CASK: variants seen among roughly 807,000 people sequenced by gnomAD.
The protein encoded by CASK is peripheral plasma membrane protein CASK.
CASK carries 4 observed loss-of-function variants against 82.9 expected under a neutral mutation model. The observed-to-expected ratio is 0.05, with a 90% CI of 0.02 to 0.11. The LOEUF is 0.11. Ranked by LOEUF, CASK falls within the 10% of genes least tolerant of loss-of-function variation. The pLI, the probability that CASK is intolerant of heterozygous loss-of-function variation, is 1.00. For missense variants in CASK, 358 were observed against 720.9 expected, an observed-to-expected ratio of 0.50 and a Z score of 5.76; for synonymous variants, 259 against 253.5, an observed-to-expected ratio of 1.02 and a Z score of -0.20.
chrX:41,827,131 G>C (rs772812115), intron 2 of CASK, among the ~76,000 whole-genome samples: 5 of 111,873 alleles, frequency 4.5e-5, no homozygotes, highest in Non-Finnish European at 9.4e-5. Flanking sequence ...TAATAATCTT[G>C]GGAAAATTTT....
rs773532171 is a variant in CASK at position 41,725,872 on chromosome X, G to A, written c.429+13512C>T. ...ACAGTTTTTTTTTGTTTGTTTTTGA[G>A]ACAGGGTCTCTTTCTGTTACCCAGC... On this transcript the variant is annotated intron_variant, in intron 5 of 26. Coordinates refer to ENST00000378163, the MANE Select transcript of CASK (RefSeq NM_001367721.1). Among the ~76,000 whole-genome samples, 752 of 111,689 alleles carry A rather than the reference G, an allele frequency of 6.7e-3. 1 individual carries two copies. Among genetic ancestry groups the A allele is most frequent in the Non-Finnish European group, 0.011 (588 of 53,041 alleles).
At position 41,676,332 on chromosome X, in the gene CASK, G is replaced by A. The variant is rs1469048838; in HGVS notation, c.430-4802C>T. ...GAGACGACCCTCCAAGATGACCTAC[G>A]GGCTCCTAAAACATTTTTATAAGCA... On this transcript the variant is annotated intron_variant, in intron 5 of 26. Transcript: ENST00000378163. The A allele has an allele frequency of 6.7e-6, 8 of 1,196,818 alleles. No homozygotes were observed. In the Admixed American group the frequency reaches 1.3e-4, roughly 20 times the overall value.
intron 12 of CASK, among the ~76,000 whole-genome samples, chrX:41,598,820 T>C (rs1314386261): frequency 8.9e-6 from 1 of 112,205 alleles, no homozygotes; most frequent in Non-Finnish European, 1.9e-5. Flanking sequence ...ATTGTTTTTC[T>C]TGAAATTTTA....
intron 2 of CASK, among the ~76,000 whole-genome samples, chrX:41,812,783 A>G (rs944481230): frequency 3.6e-5 from 4 of 111,696 alleles, no homozygotes; most frequent in African/African-American, 1.3e-4. Flanking sequence ...ACCAATTAGG[A>G]AAAGAGGAAG....
intron 12 of CASK, among the ~76,000 whole-genome samples, chrX:41,605,153 T>G (rs1324685973): frequency 8.9e-6 from 1 of 112,256 alleles, no homozygotes; most frequent in African/African-American, 3.2e-5. Flanking sequence ...TATGGCTTCA[T>G]ACCTAGCTAT....
intron 5 of CASK, chrX:41,696,369 T>C (rs1217850496): frequency 2.6e-6 from 3 of 1,176,115 alleles, no homozygotes; most frequent in Non-Finnish European, 2.3e-6. Context: ...GAAGAATCTA[T>C]TGAGGATTTC....
At chrX:41,588,085 C>T (rs1251029006) in intron 13 of CASK, 3 of 112,069 alleles carry the variant, frequency 2.7e-5, no homozygotes, top group Non-Finnish European at 5.6e-5. Context: ...CTGTGCTACT[C>T]AACTACTGCC....
intron 1 of CASK, among the ~76,000 whole-genome samples, chrX:41,910,221 CA>C (rs770517608): frequency 8.7e-4 from 79 of 90,587 alleles, no homozygotes; most frequent in East Asian, 4.4e-3. Flanking sequence ...GACTCCATCA[CA>C]AAAAAAAAAA....
At chrX:41,772,788 T>G (rs936473160) in intron 3 of CASK, among the ~76,000 whole-genome samples, 1 of 110,475 alleles carries the variant, frequency 9.1e-6, no homozygotes, top group Non-Finnish European at 1.9e-5. Flanking sequence ...TCACCTGAGG[T>G]AACGAGTTTG....
At chrX:41,863,096 T>C (rs2071524231) in intron 1 of CASK, among the ~76,000 whole-genome samples, 1 of 112,109 alleles carries the variant, frequency 8.9e-6, no homozygotes, top group African/African-American at 3.2e-5. Flanking sequence ...GCAGCAAGCA[T>C]GCTGCTAAGA....
At chrX:41,825,606 A>G (rs1432585607) in intron 2 of CASK, among the ~76,000 whole-genome samples, 1 of 112,206 alleles carries the variant, frequency 8.9e-6, no homozygotes, top group Admixed American at 9.4e-5. Context: ...CTAGCTCTGC[A>G]CTCAGCTCCA....
In CASK at chrX:41,553,825, T is replaced by C. The variant is rs771533137; in HGVS notation, c.1933A>G (p.Ile645Val). Residue 645 changes from isoleucine (I) to valine (V), a missense_variant, in exon 21 of 27, where the codon ATC becomes GTC. Ile to Val is a conservative substitution (Grantham distance 29, BLOSUM62 3). Coordinates refer to ENST00000378163, the MANE Select transcript of CASK (RefSeq NM_001367721.1). ...EAGIRFRVGD[I>V]IQIISKDDHN... Reference sequence around the variant, plus strand: ...TCATCCTTACTAATAATCTGGATGATGTCACCAACTCTGAATCGAATGCCA... The same window carrying C: ...TCATCCTTACTAATAATCTGGATGACGTCACCAACTCTGAATCGAATGCCA... 3.3e-6 allele frequency: 4 copies of C among 1,199,132 alleles called. No individual in the cohort carries two copies. Among genetic ancestry groups the C allele is most frequent in the Non-Finnish European group, 4.5e-6 (4 of 885,377 alleles).
chrX:41,560,602 A>C (rs905784682), intron 17 of CASK, among the ~76,000 whole-genome samples: 1 of 105,911 alleles, frequency 9.4e-6, no homozygotes, highest in Non-Finnish European at 1.9e-5. Context: ...TTTAAAAAAA[A>C]ATTTTGGGCT....
chrX:41,579,972 A>G (rs1029512239), intron 14 of CASK, among the ~76,000 whole-genome samples: 1 of 111,772 alleles, frequency 8.9e-6, no homozygotes, highest in East Asian at 2.8e-4. Flanking sequence ...GGCTGGTCTA[A>G]ACTGGGATTT....
chrX:41,868,853 ACTT>A (rs1208600060), intron 1 of CASK, among the ~76,000 whole-genome samples: 1 of 111,294 alleles, frequency 9.0e-6, no homozygotes, highest in African/African-American at 3.3e-5. Context: ...TTGTACAAGT[ACTT>A]CTTCATTACT....
chrX:41,719,904 T>A lies in CASK; in HGVS notation c.429+19480A>T, dbSNP rs185861642. Among the ~76,000 whole-genome samples, 150 of 112,845 alleles carry A rather than the reference T, an allele frequency of 1.3e-3. 2 individuals are homozygous for A. Among genetic ancestry groups the A allele is most frequent in the African/African-American group, 4.7e-3 (146 of 31,073 alleles). On this transcript the variant is annotated intron_variant, in intron 5 of 26. Transcript: ENST00000378163. Reference sequence around the variant, plus strand: ...GTATAAGCATGCCAGGGCAAATATTTAGGCTAAATTGTGGGAGCTAAGAAC... The same window carrying A: ...GTATAAGCATGCCAGGGCAAATATTAAGGCTAAATTGTGGGAGCTAAGAAC...
intron 3 of CASK, among the ~76,000 whole-genome samples, chrX:41,774,398 G>A (rs2069309191): frequency 8.9e-6 from 1 of 111,827 alleles, no homozygotes; most frequent in African/African-American, 3.3e-5. Flanking sequence ...AAGGACAAAT[G>A]GAAGAACATT....
chrX:41,891,383 C>T (rs1471453521), intron 1 of CASK, among the ~76,000 whole-genome samples: 1 of 111,203 alleles, frequency 9.0e-6, no homozygotes, highest in African/African-American at 3.3e-5. Context: ...ACTCAGATTA[C>T]AGCTCATTAA....
chrX:41,588,349 TA>T (rs1342539549), intron 13 of CASK: 1 of 111,558 alleles, frequency 9.0e-6, no homozygotes, highest in Non-Finnish European at 1.9e-5. Flanking sequence ...TAAGCAGGGT[TA>T]GGGGGAAACC....
Sources: allele counts gnomAD v4.1 joint callset (sites outside exome capture counted in the v4.1 genomes callset), GRCh38; gene constraint gnomAD v4.1.1; transcripts MANE v1.5; gene names NCBI Gene and HGNC (gene_info 2026-07-23, HGNC 2026-07-21).